ZEB2: variants seen among roughly 807,000 people sequenced by gnomAD.
ZEB2 encodes the protein zinc finger E-box-binding homeobox 2.
In ZEB2, 6 loss-of-function variants were observed where a neutral mutation model predicts 99.9. The ratio of observed to expected loss-of-function variants is 0.06; its 90% confidence interval spans 0.03 to 0.12. The LOEUF (loss-of-function observed/expected upper bound fraction) is 0.12. ZEB2 is among the 10% of genes least tolerant of loss of function. ZEB2 has a pLI of 1.00. For synonymous variants in ZEB2, 517 were observed against 542.5 expected (o/e 0.95, Z 0.65); for missense variants, 969 against 1,502.8 (o/e 0.64, Z 5.87).
chr2:144,454,967 CAG>C (rs1313825221), intron 2 of ZEB2: 1 of 152,200 alleles, frequency 6.6e-6, no homozygotes, highest in Non-Finnish European at 1.5e-5. Flanking sequence ...TTTGCCCTGA[CAG>C]AGAAGATTTC....
chr2:144,417,610 C>T (rs1162996366), intron 4 of ZEB2, among the ~76,000 whole-genome samples: 1 of 152,116 alleles, frequency 6.6e-6, no homozygotes, highest in Non-Finnish European at 1.5e-5. Flanking sequence ...AAATAGTATT[C>T]CATTGGGTAT....
intron 1 of ZEB2, among the ~76,000 whole-genome samples, chr2:144,519,052 C>T (rs970276547): frequency 6.6e-6 from 1 of 152,208 alleles, no homozygotes; most frequent in African/African-American, 2.4e-5. Context: ...GGGCTCATCA[C>T]TGTTCCTGGG....
chr2:144,464,605 T>C (rs144894168), intron 2 of ZEB2, among the ~76,000 whole-genome samples: 4,057 of 152,248 alleles, frequency 0.027, 76 homozygotes, highest in Admixed American at 0.05. Flanking sequence ...AAGCAATCAA[T>C]GTACATTAAT....
rs865788539 is a variant in ZEB2 at position 144,404,819 on chromosome 2, A to C, written c.592+17T>G. 6.2e-7 allele frequency: 1 copy of C among 1,612,816 alleles called. No individual in the cohort carries two copies. The highest frequency in any genetic ancestry group is 1.7e-5 in the Admixed American group (1 of 59,924). On this transcript the variant is annotated intron_variant, in intron 5 of 9. Coordinates refer to ENST00000627532, the MANE Select transcript of ZEB2 (RefSeq NM_014795.4). The stretch of plus-strand genomic sequence containing the variant: ...GCAGAGGTCAGTGCAGTGGCTAAAA[A>C]TGATTTACAGCCTCACCATTTTCTT...
chr2:144,390,165 C>A (rs1317842088), intron 9 of ZEB2, 137 bp from the exon 10 acceptor site: 2 of 943,832 alleles, frequency 2.1e-6, no homozygotes, highest in Non-Finnish European at 1.6e-6. Flanking sequence ...CCGGTCTAAT[C>A]GATGGAGAGT....
At chr2:144,466,731 G>C (rs1400443392) in intron 2 of ZEB2, among the ~76,000 whole-genome samples, 1 of 152,156 alleles carries the variant, frequency 6.6e-6, no homozygotes, top group Non-Finnish European at 1.5e-5. Flanking sequence ...GGGCAGTGCT[G>C]AAGGTAGGCG....
At chr2:144,482,950 T>C (rs1396412156) in intron 2 of ZEB2, among the ~76,000 whole-genome samples, 1 of 152,148 alleles carries the variant, frequency 6.6e-6, no homozygotes, top group Non-Finnish European at 1.5e-5. Context: ...CTTTTAAATA[T>C]CTGTTAGCTT....
rs754532627 is a variant in ZEB2, at chr2:144,398,297, T to G, written c.2886+4A>C. 6.8e-6 allele frequency: 11 copies of G among 1,613,340 alleles called. No homozygotes were observed. The African/African-American group carries it at 1.2e-4, about 18-fold the overall frequency. ...TCATAGCAGAAAAACATTTGTCTCT[T>G]TACCTGAAATCCTTGTTTCCGCTGG... On this transcript the variant is annotated splice_donor_region_variant and intron_variant, in intron 8 of 9. Coordinates refer to ENST00000627532, the MANE Select transcript of ZEB2 (RefSeq NM_014795.4).
intron 2 of ZEB2, among the ~76,000 whole-genome samples, chr2:144,487,371 G>C (rs977847312): frequency 2.0e-5 from 3 of 151,974 alleles, no homozygotes; most frequent in African/African-American, 7.3e-5. Flanking sequence ...AATTTTGAAT[G>C]ATATATACTT....
intron 3 of ZEB2, chr2:144,427,775 A>G (rs1172986587): frequency 6.6e-6 from 1 of 152,220 alleles, no homozygotes; most frequent in East Asian, 1.9e-4. Flanking sequence ...AAATGAGATT[A>G]GGGATTTACA....
intron 2 of ZEB2, among the ~76,000 whole-genome samples, chr2:144,491,865 G>A (rs1172601456): frequency 6.6e-6 from 1 of 152,106 alleles, no homozygotes; most frequent in Non-Finnish European, 1.5e-5. Context: ...CTACCAACAG[G>A]GAGCCTCATT....
chr2:144,456,965 C>T (rs1403505196), intron 2 of ZEB2, among the ~76,000 whole-genome samples: 2 of 152,144 alleles, frequency 1.3e-5, no homozygotes, highest in Non-Finnish European at 2.9e-5. Flanking sequence ...CTCTCACACT[C>T]AAGAGTCAGA....
Position 144,389,100 on chromosome 2 carries a change from T to C in ZEB2, c.*351A>G. 3.7e-6 allele frequency: 2 copies of C among 535,282 alleles called. No homozygotes were observed. Among genetic ancestry groups the C allele is most frequent in the South Asian group, 2.6e-5 (1 of 38,834 alleles). The allele number at this position is 535,282 out of a possible 1,614,324, so 33.2% of individuals were successfully genotyped here. A position where few individuals can be genotyped will look rare whatever the true frequency, so the allele number is the denominator to read the frequency against. Reference sequence around the variant, plus strand: ...GGCACCTTTTTAAAATGTATTAATATAAATTAGACATAGTTTTTTAAAGTT... The same window carrying C: ...GGCACCTTTTTAAAATGTATTAATACAAATTAGACATAGTTTTTTAAAGTT... On this transcript the variant is annotated 3_prime_UTR_variant, in exon 10 of 10. Transcript: ENST00000627532. The surrounding 1 kb of genome is among the most constrained non-coding windows in gnomAD (Gnocchi z 6.8).
Position 144,387,378 on chromosome 2 carries a change from T to C in ZEB2, c.*2073A>G, listed in dbSNP as rs1356081092. On this transcript the variant is annotated 3_prime_UTR_variant, in exon 10 of 10. Coordinates refer to ENST00000627532, the MANE Select transcript of ZEB2 (RefSeq NM_014795.4). Reference sequence around the variant, plus strand: ...ATTAGATTTAAGAAGCAGAATCTAGTTTCTTGATAAAAGTCATTATGTAAA... The same window carrying C: ...ATTAGATTTAAGAAGCAGAATCTAGCTTCTTGATAAAAGTCATTATGTAAA... 2 of 152,148 alleles carry C rather than the reference T, an allele frequency of 1.3e-5. No homozygotes were observed. Among genetic ancestry groups the C allele is most frequent in the African/African-American group, 4.8e-5 (2 of 41,440 alleles). 9.4% of individuals were successfully genotyped at this position (152,148 alleles called of 1,614,324 possible).
chr2:144,425,767 A>G (rs980116064), intron 3 of ZEB2, among the ~76,000 whole-genome samples: 3 of 152,170 alleles, frequency 2.0e-5, no homozygotes, highest in African/African-American at 7.2e-5. Context: ...TCTTAAGTAA[A>G]TTAAACGTGA....
At chr2:144,485,739 C>T (rs1704585021) in intron 2 of ZEB2, among the ~76,000 whole-genome samples, 2 of 152,258 alleles carry the variant, frequency 1.3e-5, no homozygotes, top group Non-Finnish European at 2.9e-5. Context: ...CTGCCTCAGC[C>T]TCCCAAGTAG....
chr2:144,481,224 G>A (rs1704506833), intron 2 of ZEB2, among the ~76,000 whole-genome samples: 1 of 152,190 alleles, frequency 6.6e-6, no homozygotes, highest in South Asian at 2.1e-4. Flanking sequence ...CAGAGGGATT[G>A]TCTACCACCT....
intron 2 of ZEB2, among the ~76,000 whole-genome samples, chr2:144,476,864 T>A (rs1235428513): frequency 2.6e-5 from 4 of 152,218 alleles, no homozygotes; most frequent in Non-Finnish European, 5.9e-5. Context: ...GATTTCGCAC[T>A]GCCTTGACAT....
In ZEB2 at chr2:144,400,289, T is replaced by G. The variant is rs776475211; in HGVS notation, c.917-19A>C. On this transcript the variant is annotated intron_variant, in intron 7 of 9. Transcript: ENST00000627532. The stretch of plus-strand genomic sequence containing the variant: ...TTTTCACCTAAAATGATAATTAAAA[T>G]TACCGTTACATTTCCTTGATTAGAT... 1 of 1,602,892 alleles carries G rather than the reference T, an allele frequency of 6.2e-7. No homozygotes were observed. The highest frequency in any genetic ancestry group is 8.5e-7 in the Non-Finnish European group (1 of 1,179,124).
Sources: allele counts gnomAD v4.1 joint callset (sites outside exome capture counted in the v4.1 genomes callset), GRCh38; gene constraint gnomAD v4.1.1; non-coding constraint Gnocchi (gnomAD v3.1); transcripts MANE v1.5; gene names NCBI Gene and HGNC (gene_info 2026-07-23, HGNC 2026-07-21).